Variants in CNTNAP5 observed in about 807,000 individuals in gnomAD.
CNTNAP5 encodes the protein contactin-associated protein-like 5.
Under a neutral mutation model 150.2 loss-of-function variants are expected in CNTNAP5, and 72 were observed. The ratio of observed to expected loss-of-function variants is 0.48; its 90% confidence interval spans 0.40 to 0.58. The LOEUF (loss-of-function observed/expected upper bound fraction) is 0.58. Among genes scored for constraint, CNTNAP5 ranks in the 20% least tolerant of loss-of-function variants. The probability of loss-of-function intolerance (pLI) is 0.00; values close to 1 mark genes in which losing one functional copy is unlikely to be tolerated. For synonymous variants in CNTNAP5, 672 were observed against 619.8 expected (o/e 1.08, Z -1.25); for missense variants, 1,636 against 1,626.2 (o/e 1.01, Z -0.10).
chr2:124,432,830 A>G, intron 4 of CNTNAP5, among the ~76,000 whole-genome samples: 1 of 152,214 alleles, frequency 6.6e-6, no homozygotes, highest in African/African-American at 2.4e-5. Flanking sequence ...AAGAAGGTAG[A>G]GTGCCAACCA....
At chr2:124,290,221 C>T (rs1018891722) in intron 3 of CNTNAP5, among the ~76,000 whole-genome samples, 2 of 152,090 alleles carry the variant, frequency 1.3e-5, no homozygotes, top group African/African-American at 2.4e-5. Flanking sequence ...GTCTTATAGC[C>T]GTTCCTGAAA....
In CNTNAP5 at chr2:124,203,862, A is replaced by G. The variant is rs1222798259; in HGVS notation, c.83-17843A>G. Among the ~76,000 whole-genome samples, 5 of 152,328 alleles carry G rather than the reference A, an allele frequency of 3.3e-5. 1 individual carries two copies. The highest frequency in any genetic ancestry group is 9.6e-5 in the African/African-American group (4 of 41,574). The stretch of plus-strand genomic sequence containing the variant: ...CAGGCCTGTGATGGAATGGGCTACC[A>G]TGAAGACCTCTGACATGCCCTGAAG... On this transcript the variant is annotated intron_variant, in intron 1 of 23. Coordinates refer to ENST00000682447, the MANE Select transcript of CNTNAP5 (RefSeq NM_001367498.1).
chr2:124,282,994 CT>C (rs61480383), intron 3 of CNTNAP5, among the ~76,000 whole-genome samples: 8,351 of 140,326 alleles, frequency 0.06, 560 homozygotes, highest in African/African-American at 0.18. Flanking sequence ...GTCCATTGCT[CT>C]TTTTTTTTTT....
chr2:124,422,926 C>T (rs950064465), intron 4 of CNTNAP5, among the ~76,000 whole-genome samples: 1 of 152,150 alleles, frequency 6.6e-6, no homozygotes, highest in South Asian at 2.1e-4. Flanking sequence ...TCTAGGCAAG[C>T]GTGATGAGGA....
chr2:124,043,847 G>A (rs553287327), intron 1 of CNTNAP5, among the ~76,000 whole-genome samples: 44 of 152,300 alleles, frequency 2.9e-4, no homozygotes, highest in African/African-American at 9.4e-4. Flanking sequence ...CTCAACTAAT[G>A]TAAATCAGTC....
chr2:124,171,645 G>A (rs1036691281), intron 1 of CNTNAP5, among the ~76,000 whole-genome samples: 4 of 152,190 alleles, frequency 2.6e-5, no homozygotes, highest in African/African-American at 9.7e-5. Context: ...TATTTCCTCA[G>A]AGTCAAGGTC....
intron 19 of CNTNAP5, among the ~76,000 whole-genome samples, chr2:124,842,285 A>G (rs947535020): frequency 6.6e-6 from 1 of 152,174 alleles, no homozygotes; most frequent in African/African-American, 2.4e-5. Flanking sequence ...AACATCGGTC[A>G]GTTTCTCCCA....
intron 13 of CNTNAP5, among the ~76,000 whole-genome samples, chr2:124,660,611 T>C (rs1361389852): frequency 6.6e-6 from 1 of 151,252 alleles, no homozygotes. Flanking sequence ...TGTTTTACAT[T>C]ATTTTTTATA....
At chr2:124,870,689 C>T (rs1054496092) in intron 21 of CNTNAP5, among the ~76,000 whole-genome samples, 1 of 152,136 alleles carries the variant, frequency 6.6e-6, no homozygotes, top group Non-Finnish European at 1.5e-5. Flanking sequence ...ATACATTTAA[C>T]ACGTAAGTTA....
At chr2:124,588,177 C>CCTCTTTCTTTCT (rs1696591156) in intron 11 of CNTNAP5, among the ~76,000 whole-genome samples, 1 of 110,820 alleles carries the variant, frequency 9.0e-6, no homozygotes, top group Non-Finnish European at 2.0e-5. Flanking sequence ...TCCTTCCTTC[C>CCTCTTTCTTTCT]TTCTTTCTTT....
chr2:124,039,840 A>G (rs1305314475), intron 1 of CNTNAP5, among the ~76,000 whole-genome samples: 1 of 146,680 alleles, frequency 6.8e-6, no homozygotes, highest in Non-Finnish European at 1.5e-5. Context: ...CTAATATTAA[A>G]TAGTATGCAC....
intron 13 of CNTNAP5, among the ~76,000 whole-genome samples, chr2:124,650,429 GA>G (rs1678297155): frequency 6.6e-6 from 1 of 152,138 alleles, no homozygotes; most frequent in Non-Finnish European, 1.5e-5. Context: ...GCAGGAATGG[GA>G]AAAACAATAT....
At chr2:124,878,259 G>T (rs1677900476) in intron 21 of CNTNAP5, among the ~76,000 whole-genome samples, 1 of 151,980 alleles carries the variant, frequency 6.6e-6, no homozygotes, top group African/African-American at 2.4e-5. Flanking sequence ...ATCAGCTCTG[G>T]GTTCAAATTA....
intron 1 of CNTNAP5, among the ~76,000 whole-genome samples, chr2:124,064,887 G>A (rs981484034): frequency 6.6e-6 from 1 of 152,072 alleles, no homozygotes; most frequent in African/African-American, 2.4e-5. Flanking sequence ...CATATACAAT[G>A]TTACTTCATG....
intron 1 of CNTNAP5, among the ~76,000 whole-genome samples, chr2:124,050,381 T>C (rs2104641924): frequency 6.6e-6 from 1 of 152,132 alleles, no homozygotes. Flanking sequence ...GGAGGATTGC[T>C]TGAGTCCGGG....
intron 3 of CNTNAP5, among the ~76,000 whole-genome samples, chr2:124,330,531 T>G (rs1689324593): frequency 6.6e-6 from 1 of 152,118 alleles, no homozygotes; most frequent in African/African-American, 2.4e-5. Flanking sequence ...TCTGATGGTT[T>G]TATAAATGGC....
intron 13 of CNTNAP5, among the ~76,000 whole-genome samples, chr2:124,724,154 A>C: frequency 6.7e-6 from 1 of 149,224 alleles, no homozygotes; most frequent in Middle Eastern, 3.5e-3. Flanking sequence ...AAATAATAAT[A>C]ATAATAATAA....
At chr2:124,476,526 T>C (rs989208612) in intron 7 of CNTNAP5, among the ~76,000 whole-genome samples, 12 of 152,162 alleles carry the variant, frequency 7.9e-5, no homozygotes, top group African/African-American at 2.7e-4. Context: ...TCTCTGAGAC[T>C]GCTCCTGCAG....
intron 7 of CNTNAP5, among the ~76,000 whole-genome samples, chr2:124,488,474 G>A (rs895872750): frequency 3.3e-5 from 5 of 152,186 alleles, no homozygotes; most frequent in South Asian, 2.1e-4. Flanking sequence ...CTTTCCATTA[G>A]TGGCCTTTCT....
Sources: allele counts gnomAD v4.1 joint callset (sites outside exome capture counted in the v4.1 genomes callset), GRCh38; gene constraint gnomAD v4.1.1; transcripts MANE v1.5; gene names NCBI Gene and HGNC (gene_info 2026-07-23, HGNC 2026-07-21).